Variants in TP73 observed in about 807,000 individuals in gnomAD.
TP73 encodes the protein tumor protein p73, also known as p53-like transcription factor.
TP73 carries 25 observed loss-of-function variants against 62.5 expected under a neutral mutation model. That is an observed-to-expected ratio of 0.40 (90% confidence interval 0.29 to 0.56). The LOEUF (loss-of-function observed/expected upper bound fraction) is 0.56. TP73 is among the 20% of genes least tolerant of loss of function. TP73 has a pLI of 0.46. For synonymous variants in TP73, 423 were observed against 377.5 expected (o/e 1.12, Z -1.40); for missense variants, 754 against 913.3 (o/e 0.83, Z 2.25).
intron 3 of TP73, among the ~76,000 whole-genome samples, chr1:3,705,257 T>C (rs1639529454): frequency 6.6e-6 from 1 of 152,254 alleles, no homozygotes; most frequent in African/African-American, 2.4e-5. Context: ...TTCTGTCTTA[T>C]GGCCGAGGAA....
rs905738153 is a variant in TP73, at chr1:3,699,010, G to A, written c.187-8539G>A. 6.7e-6 allele frequency among the ~76,000 whole-genome samples: 1 copy of A among 150,220 alleles called. No homozygotes were observed. The highest frequency in any genetic ancestry group is 2.5e-5 in the African/African-American group (1 of 39,626). ...ATGGCCCTGGCACGGGATTGGGCAA[G>A]GCCTCGCCTCAGCCCCGGGTGAGAG... On this transcript the variant is annotated intron_variant, in intron 3 of 13. Coordinates refer to ENST00000378295, the MANE Select transcript of TP73 (RefSeq NM_005427.4). This position sits in a 1 kb window ranked among gnomAD's most constrained non-coding sequence, Gnocchi z 4.1.
In TP73 at chr1:3,733,208, G is replaced by A. The variant is rs563584653; in HGVS notation, c.*129G>A. 181 of 1,156,294 alleles carry A rather than the reference G, an allele frequency of 1.6e-4. No individual in the cohort carries two copies. In the East Asian group the frequency reaches 3.0e-3, roughly 19 times the overall value. 71.6% of individuals were successfully genotyped at this position (1,156,294 alleles called of 1,614,324 possible). On this transcript the variant is annotated 3_prime_UTR_variant, in exon 14 of 14. Transcript: ENST00000378295. ...CTGTGCCCGGGGAAAGGCAAGGTCCGGCCCATCCCCAGGCACCTCACAGGC... is the reference window on the plus strand; with the variant it reads ...CTGTGCCCGGGGAAAGGCAAGGTCCAGCCCATCCCCAGGCACCTCACAGGC...
At chr1:3,677,990 C>T (rs901076059) in intron 1 of TP73, among the ~76,000 whole-genome samples, 1 of 152,200 alleles carries the variant, frequency 6.6e-6, no homozygotes, top group African/African-American at 2.4e-5. Context: ...CAGTTATGAA[C>T]CACTGCACCC....
chr1:3,702,903 C>G (rs1419035349), intron 3 of TP73, among the ~76,000 whole-genome samples: 1 of 152,238 alleles, frequency 6.6e-6, no homozygotes, highest in Non-Finnish European at 1.5e-5. Context: ...TGGGAGACCC[C>G]GGGCTCCTGT....
At chr1:3,725,591 T>C (rs1254048938) in intron 6 of TP73, among the ~76,000 whole-genome samples, 2 of 103,238 alleles carry the variant, frequency 1.9e-5, no homozygotes, top group Non-Finnish European at 3.8e-5. Context: ...GGTGGGTGGG[T>C]GAATGGATGG....
At chr1:3,726,000 G>A (rs1228102040) in intron 6 of TP73, among the ~76,000 whole-genome samples, 8 of 96,104 alleles carry the variant, frequency 8.3e-5, no homozygotes, top group Non-Finnish European at 1.1e-4. Context: ...GATGGGATGG[G>A]TGGATGGATG....
chr1:3,731,973 C>T (rs955061288), intron 13 of TP73, among the ~76,000 whole-genome samples: 1 of 152,226 alleles, frequency 6.6e-6, no homozygotes, highest in Non-Finnish European at 1.5e-5. Context: ...GCACCTGGCC[C>T]GAGGCCACAC....
chr1:3,715,476 A>G (rs994840940), intron 4 of TP73, among the ~76,000 whole-genome samples: 10 of 152,108 alleles, frequency 6.6e-5, no homozygotes, highest in Middle Eastern at 3.2e-3. Context: ...TCAGACAGCT[A>G]TGGTCTGGGT....
At position 3,673,593 on chromosome 1, in the gene TP73, C is replaced by T. The variant is rs548215144; in HGVS notation, c.-33-8740C>T. On this transcript the variant is annotated intron_variant, in intron 1 of 13. Coordinates refer to ENST00000378295, the MANE Select transcript of TP73 (RefSeq NM_005427.4). ...TATCTGAGGTCACACAGCTAGAGCG[C>T]GGCAGAGGTGGGCTGCGTGGGCAGA... Among the ~76,000 whole-genome samples, 379 of 152,306 alleles carry T rather than the reference C, an allele frequency of 2.5e-3. 1 individual carries two copies. The highest frequency in any genetic ancestry group is 4.1e-3 in the Non-Finnish European group (277 of 68,034).
At chr1:3,677,889 G>A (rs1645410493) in intron 1 of TP73, among the ~76,000 whole-genome samples, 1 of 151,902 alleles carries the variant, frequency 6.6e-6, no homozygotes, top group Non-Finnish European at 1.5e-5. Flanking sequence ...AGTTTTTGGA[G>A]AGCTGAGGTC....
chr1:3,700,514 A>C (rs749902348), intron 3 of TP73, among the ~76,000 whole-genome samples: 5 of 152,184 alleles, frequency 3.3e-5, no homozygotes, highest in Non-Finnish European at 7.3e-5. Context: ...ACTTGTAAAA[A>C]AAATCACTCA....
chr1:3,665,406 A>AC (rs1269618026), intron 1 of TP73, among the ~76,000 whole-genome samples: 1 of 152,170 alleles, frequency 6.6e-6, no homozygotes, highest in Admixed American at 6.5e-5. Flanking sequence ...AGCAAAATAC[A>AC]CCGTTGTAAG....
intron 4 of TP73, among the ~76,000 whole-genome samples, chr1:3,715,265 G>A (rs763930962): frequency 6.6e-6 from 1 of 152,128 alleles, no homozygotes; most frequent in Non-Finnish European, 1.5e-5. Context: ...TGACACCTCT[G>A]TAGTACCGTC....
At chr1:3,691,199 G>A (rs914661529) in intron 3 of TP73, among the ~76,000 whole-genome samples, 2 of 152,124 alleles carry the variant, frequency 1.3e-5, no homozygotes, top group African/African-American at 2.4e-5. Flanking sequence ...AGAGGAGGCC[G>A]GGTCCATGCC....
chr1:3,706,743 A>G (rs1326782641), intron 3 of TP73, among the ~76,000 whole-genome samples: 1 of 152,050 alleles, frequency 6.6e-6, no homozygotes, highest in Non-Finnish European at 1.5e-5. Context: ...AGGCTGATCC[A>G]TGCTGGGGTC....
intron 1 of TP73, among the ~76,000 whole-genome samples, chr1:3,660,211 T>C (rs1178958958): frequency 1.3e-5 from 2 of 152,198 alleles, no homozygotes; most frequent in Non-Finnish European, 2.9e-5. Context: ...TTGGGTGGAT[T>C]CCTCTTTCTC....
At chr1:3,692,223 G>A (rs1645861239) in intron 3 of TP73, among the ~76,000 whole-genome samples, 4 of 152,160 alleles carry the variant, frequency 2.6e-5, no homozygotes, top group Admixed American at 2.6e-4. Flanking sequence ...ATACATGGAT[G>A]TCTGTGCCTG....
In TP73 at chr1:3,699,038, GAGGGTGCTGTGGGTGAGAGCAC is replaced by G. The variant is rs1290777068; in HGVS notation, c.187-8489_187-8468del. Among the ~76,000 whole-genome samples the G allele has an allele frequency of 2.4e-3, 358 of 151,736 alleles. 2 individuals are homozygous for G. Among genetic ancestry groups the G allele is most frequent in the African/African-American group, 7.6e-3 (312 of 41,016 alleles). ...CTCGCCTCAGCCCCGGGTGAGAGCA[GAGGGTGCTGTGGGTGAGAGCAC>G]AGGGTGCTGTGGGTGAGAGCAGAGG... On this transcript the variant is annotated intron_variant, in intron 3 of 13. Transcript: ENST00000378295. This position sits in a 1 kb window ranked among gnomAD's most constrained non-coding sequence, Gnocchi z 4.1.
intron 11 of TP73, 31 bp from the exon 12 acceptor site, chr1:3,730,896 G>A (rs1167237347): frequency 1.9e-6 from 3 of 1,568,350 alleles, no homozygotes; most frequent in East Asian, 2.4e-5. Context: ...CAGCCTGGCT[G>A]CCCTGATGGC....
Sources: allele counts gnomAD v4.1 joint callset (sites outside exome capture counted in the v4.1 genomes callset), GRCh38; gene constraint gnomAD v4.1.1; non-coding constraint Gnocchi (gnomAD v3.1); transcripts MANE v1.5; gene names NCBI Gene and HGNC (gene_info 2026-07-23, HGNC 2026-07-21).